CNTN1: variants seen among roughly 807,000 people sequenced by gnomAD.
The protein encoded by CNTN1 is contactin 1, also known as contactin-1.
A neutral mutation model predicts 126.4 loss-of-function variants in CNTN1; 38 were observed. The observed-to-expected ratio is 0.30, with a 90% CI of 0.23 to 0.39. CNTN1 has a LOEUF of 0.39. Ranked by LOEUF, CNTN1 falls within the 10% of genes least tolerant of loss-of-function variation. The probability of loss-of-function intolerance (pLI) is 1.00; values close to 1 mark genes in which losing one functional copy is unlikely to be tolerated. For missense variants in CNTN1, 1,009 were observed against 1,248.4 expected (o/e 0.81, Z 2.89); for synonymous variants, 413 against 422.6 (o/e 0.98, Z 0.28).
chr12:41,035,120 C>T (rs374637526), intron 23 of CNTN1, among the ~76,000 whole-genome samples: 50 of 152,250 alleles, frequency 3.3e-4, no homozygotes, highest in African/African-American at 1.1e-3. Flanking sequence ...CTAAGGTTTC[C>T]ATTAGCTGCT....
At chr12:40,782,871 A>G (rs1186526122) in intron 1 of CNTN1, among the ~76,000 whole-genome samples, 1 of 151,976 alleles carries the variant, frequency 6.6e-6, no homozygotes, top group Non-Finnish European at 1.5e-5. Context: ...GTATAAAATG[A>G]TGACTTAATC....
intron 1 of CNTN1, among the ~76,000 whole-genome samples, chr12:40,734,445 A>G (rs989964762): frequency 2.0e-5 from 3 of 152,092 alleles, no homozygotes; most frequent in East Asian, 1.9e-4. Flanking sequence ...CAAGACCCTG[A>G]AAAGGCAGTA....
chr12:41,025,736 C>T (rs1052490342), intron 21 of CNTN1, among the ~76,000 whole-genome samples: 3 of 152,262 alleles, frequency 2.0e-5, no homozygotes, highest in African/African-American at 7.2e-5. Flanking sequence ...TTGCACAGTG[C>T]AATGCAAGTT....
chr12:40,729,751 TG>T, intron 1 of CNTN1: 1 of 215,268 alleles, frequency 4.6e-6, no homozygotes. Context: ...TTTGTGAAGG[TG>T]GATGGCAGGA....
At chr12:41,069,068 T>G (rs1950108747) in intron 23 of CNTN1, among the ~76,000 whole-genome samples, 1 of 152,216 alleles carries the variant, frequency 6.6e-6, no homozygotes, top group Admixed American at 6.5e-5. Context: ...AGAGTATGAC[T>G]TTTTGGTCCT....
intron 1 of CNTN1, among the ~76,000 whole-genome samples, chr12:40,734,666 G>A (rs1296640303): frequency 2.6e-5 from 4 of 152,006 alleles, no homozygotes; most frequent in Non-Finnish European, 5.9e-5. Context: ...TCTGTTACCC[G>A]GAATTTCGTA....
intron 14 of CNTN1, among the ~76,000 whole-genome samples, chr12:40,958,744 A>G (rs1451683676): frequency 6.6e-6 from 1 of 152,072 alleles, no homozygotes; most frequent in East Asian, 1.9e-4. Flanking sequence ...CTTCCAAACC[A>G]TATAGTATTT....
At chr12:40,739,636 A>G (rs1937847829) in intron 1 of CNTN1, among the ~76,000 whole-genome samples, 3 of 152,092 alleles carry the variant, frequency 2.0e-5, no homozygotes, top group Admixed American at 2.0e-4. Flanking sequence ...CAGAGGCTTC[A>G]GCCATATCTG....
chr12:40,803,577 A>G (rs2136488511), intron 1 of CNTN1, among the ~76,000 whole-genome samples: 1 of 152,118 alleles, frequency 6.6e-6, no homozygotes, highest in Non-Finnish European at 1.5e-5. Context: ...AAATAATTGA[A>G]ACCCATGCTT....
At position 40,939,348 on chromosome 12, in the gene CNTN1, T is replaced by C; in HGVS notation, c.1242T>C (p.Thr414=). 1 of 1,613,856 alleles carries C rather than the reference T, an allele frequency of 6.2e-7. No homozygotes were observed. The highest frequency in any genetic ancestry group is 8.5e-7 in the Non-Finnish European group (1 of 1,179,898). Residue 414 remains threonine, a synonymous_variant, in exon 12 of 24, where the codon ACT becomes ACC. Coordinates refer to ENST00000551295, the MANE Select transcript of CNTN1 (RefSeq NM_001843.4). ...TTTTCTTTTTAGCGTTGGCTCCAAC[T>C]TTTGAAATGAATCCTATGAAGAAAA... The part of the protein sequence containing the change: ...AELKILALAP[T]FEMNPMKKKI...
intron 1 of CNTN1, among the ~76,000 whole-genome samples, chr12:40,695,010 T>G (rs1204385737): frequency 6.6e-6 from 1 of 152,202 alleles, no homozygotes; most frequent in African/African-American, 2.4e-5. Context: ...AAACGATCAC[T>G]CCTCTTCAGA....
At chr12:40,808,904 C>T (rs527397690) in intron 1 of CNTN1, among the ~76,000 whole-genome samples, 11 of 152,294 alleles carry the variant, frequency 7.2e-5, no homozygotes, top group Admixed American at 6.5e-4. Context: ...TTTTCTTTCA[C>T]TTCCATTCCC....
intron 1 of CNTN1, among the ~76,000 whole-genome samples, chr12:40,840,152 G>C (rs1942219247): frequency 1.3e-5 from 2 of 151,816 alleles, no homozygotes; most frequent in South Asian, 4.2e-4. Flanking sequence ...AATGGAAAAA[G>C]ATATTCCACA....
chr12:40,762,933 G>A (rs1027374718), intron 1 of CNTN1, among the ~76,000 whole-genome samples: 7 of 152,198 alleles, frequency 4.6e-5, no homozygotes, highest in African/African-American at 1.7e-4. Context: ...TGTTGGAGGT[G>A]GGGCCTAGTG....
At chr12:40,974,324 G>A (rs907281884) in intron 15 of CNTN1, among the ~76,000 whole-genome samples, 4 of 152,010 alleles carry the variant, frequency 2.6e-5, no homozygotes, top group African/African-American at 9.7e-5. Flanking sequence ...ATTTAAAAAG[G>A]CATGATTGGC....
chr12:40,993,980 T>C (rs901914351), intron 17 of CNTN1, among the ~76,000 whole-genome samples: 1 of 152,126 alleles, frequency 6.6e-6, no homozygotes, highest in Non-Finnish European at 1.5e-5. Flanking sequence ...TTCAGACATT[T>C]AGGTATGAAA....
intron 14 of CNTN1, 121 bp downstream of exon 14, chr12:40,944,291 G>C: frequency 1.1e-6 from 1 of 908,454 alleles, no homozygotes; most frequent in Non-Finnish European, 1.7e-6. Flanking sequence ...CAAAAAGCAG[G>C]CAAAAAAGCT....
intron 17 of CNTN1, among the ~76,000 whole-genome samples, chr12:40,994,193 A>G (rs879776761): frequency 6.6e-6 from 1 of 152,128 alleles, no homozygotes; most frequent in African/African-American, 2.4e-5. Flanking sequence ...CAAAATTCCA[A>G]GAAAGAAGGA....
intron 20 of CNTN1, among the ~76,000 whole-genome samples, 155 bp from the exon 21 acceptor site, chr12:41,024,995 A>G (rs998387258): frequency 1.3e-5 from 2 of 152,096 alleles, no homozygotes; most frequent in Non-Finnish European, 2.9e-5. Flanking sequence ...GCTTTACTAT[A>G]TTCTAAGGCT....
Sources: gnomAD v4.1 joint callset for allele counts (sites outside exome capture counted in the v4.1 genomes callset) on GRCh38, gnomAD v4.1.1 for gene constraint, MANE v1.5 for transcripts, NCBI Gene and HGNC (gene_info 2026-07-23, HGNC 2026-07-21) for gene names.